The following ZNF717 variants were observed in gnomAD, a reference collection of about 807,000 sequenced individuals.
ZNF717 encodes the protein krueppel-like factor X17.
Under a neutral mutation model 13.8 loss-of-function variants are expected in ZNF717, and 9 were observed. The ratio of observed to expected loss-of-function variants is 0.65; its 90% confidence interval spans 0.39 to 1.14. The LOEUF is 1.14. ZNF717 is among the 50% of genes most tolerant of loss of function. The pLI is 0.01. For missense variants in ZNF717, 1,040 were observed against 1,080.7 expected (o/e 0.96, Z 0.53); for synonymous variants, 327 against 364.1 (o/e 0.90, Z 1.16).
chr3:75,749,998 C>A (rs1483816659), intron 2 of ZNF717, among the ~76,000 whole-genome samples: 3 of 151,512 alleles, frequency 2.0e-5, no homozygotes, highest in Admixed American at 6.6e-5. Context: ...GATGCCTGAA[C>A]ACTGCTGCTG....
intron 2 of ZNF717, among the ~76,000 whole-genome samples, chr3:75,782,527 G>A (rs1348499237): frequency 6.6e-6 from 1 of 152,172 alleles, no homozygotes; most frequent in Non-Finnish European, 1.5e-5. Flanking sequence ...AGTGGAAGAT[G>A]ACTGTTTCCA....
chr3:75,743,595 G>C (rs1447136185), intron 2 of ZNF717, among the ~76,000 whole-genome samples: 2 of 152,228 alleles, frequency 1.3e-5, no homozygotes, highest in African/African-American at 4.8e-5. Context: ...AAGAGAATGG[G>C]AAAGGGCTTA....
At chr3:75,732,141 A>C, downstream of ZNF717, 1 of 702,896 alleles carries the variant, frequency 1.4e-6, no homozygotes, top group South Asian at 1.5e-5. Context: ...GGAAAAAGGA[A>C]AACCATCTTA....
intron 2 of ZNF717, among the ~76,000 whole-genome samples, chr3:75,769,999 G>C (rs1445344237): frequency 2.0e-5 from 3 of 152,154 alleles, no homozygotes; most frequent in African/African-American, 7.2e-5. Flanking sequence ...TGTGCTTCTT[G>C]GTTTTTGTCT....
At chr3:75,712,212 G>T (rs78685760) in intron 5 of ZNF717, among the ~76,000 whole-genome samples, 172 of 149,820 alleles carry the variant, frequency 1.1e-3, no homozygotes, top group South Asian at 9.8e-3. Flanking sequence ...CTCAAACTAG[G>T]CAAATTAAAT....
chr3:75,751,770 C>T (rs1318657060), intron 2 of ZNF717, among the ~76,000 whole-genome samples: 3 of 151,778 alleles, frequency 2.0e-5, no homozygotes, highest in Non-Finnish European at 4.4e-5. Context: ...GATTCCAGAA[C>T]AATGCTATGA....
At chr3:75,767,147 T>C (rs1943534796) in intron 2 of ZNF717, among the ~76,000 whole-genome samples, 2 of 152,190 alleles carry the variant, frequency 1.3e-5, no homozygotes, top group African/African-American at 4.8e-5. Context: ...AGGCAGGAAA[T>C]CCCACTTCCC....
chr3:75,730,800 A>C (rs1478157485), intron 5 of ZNF717, among the ~76,000 whole-genome samples: 1 of 152,280 alleles, frequency 6.6e-6, no homozygotes, highest in Non-Finnish European at 1.5e-5. Context: ...TTATTTCACA[A>C]ATTAAGAAAA....
At chr3:75,717,152 A>G (rs1480325416) in intron 4 of ZNF717, among the ~76,000 whole-genome samples, 1 of 152,204 alleles carries the variant, frequency 6.6e-6, no homozygotes, top group African/African-American at 2.4e-5. Flanking sequence ...AGCTCTTGAG[A>G]GGAAAAATCA....
chr3:75,742,767 A>C (rs1274442954), intron 2 of ZNF717, among the ~76,000 whole-genome samples: 1 of 152,230 alleles, frequency 6.6e-6, no homozygotes, highest in African/African-American at 2.4e-5. Flanking sequence ...TATCGTTTTT[A>C]CATTATATTA....
At position 75,738,107 on chromosome 3, in the gene ZNF717, GT is replaced by G. The variant is rs1295319388; in HGVS notation, c.1515del (p.Lys505AsnfsTer74). 3.7e-6 allele frequency: 5 copies of G among 1,354,472 alleles called. No individual in the cohort carries two copies. Among genetic ancestry groups the G allele is most frequent in the African/African-American group, 2.9e-5 (2 of 68,716 alleles). 83.9% of individuals were successfully genotyped at this position (1,354,472 alleles called of 1,614,324 possible). ...TIHQWTHTGE[K>X]PYECNECGKT... is the part of the protein sequence containing the mutation. ...TTCCCACATTCATTGCATTCGTAGGGTTTTTCCCCTGTGTGAGTCCATTGAT... is the reference window on the plus strand; with the variant it reads ...TTCCCACATTCATTGCATTCGTAGGGTTTTCCCCTGTGTGAGTCCATTGAT... On this transcript the variant is annotated frameshift_variant, in exon 5 of 5. Transcript: ENST00000652011. LOFTEE classifies it low-confidence loss of function (END_TRUNC).
chr3:75,771,747 A>C (rs1943900646), intron 2 of ZNF717, among the ~76,000 whole-genome samples: 1 of 152,236 alleles, frequency 6.6e-6, no homozygotes, highest in Non-Finnish European at 1.5e-5. Flanking sequence ...GGCAGGCAGG[A>C]GCCCCACCCT....
At chr3:75,741,515 A>G (rs1447269467) in intron 3 of ZNF717, 95 bp downstream of exon 3, 6 of 1,483,936 alleles carry the variant, frequency 4.0e-6, no homozygotes, top group Non-Finnish European at 4.6e-6. Flanking sequence ...CATCAACTGG[A>G]AGCTTACAAG....
intron 2 of ZNF717, among the ~76,000 whole-genome samples, chr3:75,750,952 G>C (rs1400140663): frequency 6.6e-6 from 1 of 151,528 alleles, no homozygotes; most frequent in African/African-American, 2.4e-5. Context: ...TAGGATTCCA[G>C]AACACTCCTA....
chr3:75,732,541 T>C (rs1370982048), downstream of ZNF717, among the ~76,000 whole-genome samples: 269 of 152,330 alleles, frequency 1.8e-3, 3 homozygotes, highest in African/African-American at 6.1e-3. Context: ...AGTGCACTTA[T>C]GAAACAGGCC....
rs1176989094 is a variant in ZNF717, at chr3:75,738,055, G to C, written c.1568C>G (p.Thr523Ser). ...GKTFRCKSFL[T>S]VHQRTHAGEK... Reference sequence around the variant, plus strand: ...CCCAGCATGAGTTCTCTGATGGACAGTGAGGAATGACTTACAGCGAAAGGT... The same window carrying C: ...CCCAGCATGAGTTCTCTGATGGACACTGAGGAATGACTTACAGCGAAAGGT... Residue 523 changes from threonine to serine, a missense_variant, in exon 5 of 5, where the codon ACT (threonine) becomes AGT (serine). Coordinates refer to ENST00000652011, the MANE Select transcript of ZNF717 (RefSeq NM_001290208.3). The C allele has an allele frequency of 3.7e-6, 5 of 1,342,944 alleles. No individual in the cohort carries two copies. The Admixed American group carries it at 9.9e-5, about 27-fold the overall frequency. The allele number at this position is 1,342,944 out of a possible 1,614,324, so 83.2% of individuals were successfully genotyped here. A position where few individuals can be genotyped will look rare whatever the true frequency, so the allele number is the denominator to read the frequency against.
intron 2 of ZNF717, among the ~76,000 whole-genome samples, chr3:75,763,782 C>T: frequency 6.6e-6 from 1 of 152,220 alleles, no homozygotes; most frequent in Non-Finnish European, 1.5e-5. Context: ...AACAGAAAAA[C>T]AATCAAACCA....
chr3:75,732,585 G>C (rs1938665153), downstream of ZNF717, among the ~76,000 whole-genome samples: 2 of 152,188 alleles, frequency 1.3e-5, no homozygotes, highest in Non-Finnish European at 2.9e-5. Context: ...CAACATGAGA[G>C]GACATATAGC....
chr3:75,765,112 T>C (rs542324800), intron 2 of ZNF717, among the ~76,000 whole-genome samples: 2 of 150,142 alleles, frequency 1.3e-5, no homozygotes, highest in Non-Finnish European at 3.0e-5. Context: ...TCCTGACACA[T>C]CTGACACATA....
Sources: gnomAD v4.1 joint callset for allele counts (sites outside exome capture counted in the v4.1 genomes callset) on GRCh38, gnomAD v4.1.1 for gene constraint, MANE v1.5 for transcripts, NCBI Gene and HGNC (gene_info 2026-07-23, HGNC 2026-07-21) for gene names.